SH3GL1: variants seen among roughly 807,000 people sequenced by gnomAD.
SH3GL1 encodes SH3 domain containing GRB2 like 1, endophilin A2.
In SH3GL1, 21 loss-of-function variants were observed where a neutral mutation model predicts 48.8. The ratio of observed to expected loss-of-function variants is 0.43; its 90% CI spans 0.30 to 0.62. The LOEUF (loss-of-function observed/expected upper bound fraction) is 0.62, where lower values mean the gene tolerates loss of function less well. Ranked by LOEUF, SH3GL1 falls within the 20% of genes least tolerant of loss-of-function variation. SH3GL1 has a pLI of 0.11. For synonymous variants in SH3GL1, 282 were observed against 217.5 expected, an observed-to-expected ratio of 1.30 and a Z score of -2.61; for missense variants, 454 against 503.0, an observed-to-expected ratio of 0.90 and a Z score of 0.93.
At chr19:4,397,846 CTTTTT>C (rs922562098) in intron 1 of SH3GL1, among the ~76,000 whole-genome samples, 4 of 152,146 alleles carry the variant, frequency 2.6e-5, no homozygotes, top group African/African-American at 4.8e-5. Context: ...AGGGTTGTTA[CTTTTT>C]TTATTTATTT....
In SH3GL1 at chr19:4,361,624, C is replaced by T. The variant is rs531631140; in HGVS notation, c.1083G>A (p.Glu361=). The T allele has an allele frequency of 2.2e-5, 35 of 1,604,480 alleles. No homozygotes were observed. The highest frequency in any genetic ancestry group is 1.3e-4 in the South Asian group (12 of 91,008). Residue 361 remains glutamate, a synonymous_variant, in exon 10 of 10, where the codon GAG becomes GAA. Coordinates refer to ENST00000269886, the MANE Select transcript of SH3GL1 (RefSeq NM_003025.4). ...QSGFFPLSYV[E]VLVPLPQ ...GTCACTGCGGCAGGGGCACAAGCAC[C>T]TCCACGTAGCTGAGCGGGAAGAAGC...
In SH3GL1 at chr19:4,360,470, T is replaced by C. The variant is rs925108152; in HGVS notation, c.*1130A>G. 1 of 234,124 alleles carries C rather than the reference T, an allele frequency of 4.3e-6. No individual in the cohort carries two copies. 14.5% of individuals were successfully genotyped at this position (234,124 alleles called of 1,614,324 possible). ...AGCTGTGTGCTCATCTCTGCGCCCC[T>C]CATGTACTTCTGACGAGGGGGGTGC... On this transcript the variant is annotated 3_prime_UTR_variant, in exon 10 of 10. Transcript: ENST00000269886.
chr19:4,368,975 G>A (rs1413726649), intron 1 of SH3GL1, among the ~76,000 whole-genome samples: 1 of 152,152 alleles, frequency 6.6e-6, no homozygotes, highest in Non-Finnish European at 1.5e-5. Context: ...GGGAGGCTGA[G>A]GTAGGAGAAT....
Position 4,366,962 on chromosome 19 carries a change from C to T in SH3GL1, c.78G>A (p.Gly26=), listed in dbSNP as rs776056982. ...CTTTGAAGTCATCATCCAGCTTGGTCCCCTCGGCCCCTCCGACCTTCTCAC... is the reference window on the plus strand; with the variant it reads ...CTTTGAAGTCATCATCCAGCTTGGTTCCCTCGGCCCCTCCGACCTTCTCAC... ...LVSEKVGGAE[G]TKLDDDFKEM... Residue 26 remains glycine, a synonymous_variant, in exon 2 of 10, where the codon GGG becomes GGA. Transcript: ENST00000269886. 4.3e-6 allele frequency: 7 copies of T among 1,613,874 alleles called. No homozygotes were observed. Among genetic ancestry groups the T allele is most frequent in the African/African-American group, 1.3e-5 (1 of 74,942 alleles).
intron 1 of SH3GL1, among the ~76,000 whole-genome samples, chr19:4,371,397 G>A (rs951181942): frequency 6.6e-6 from 1 of 152,240 alleles, no homozygotes; most frequent in Non-Finnish European, 1.5e-5. Context: ...GGAAAATTCC[G>A]AATCCTGCCG....
intron 2 of SH3GL1, among the ~76,000 whole-genome samples, 167 bp downstream of exon 2, chr19:4,366,759 C>T (rs1599594943): frequency 2.6e-5 from 4 of 152,026 alleles, no homozygotes; most frequent in African/African-American, 2.4e-5. Context: ...AGCTGGTGCC[C>T]GTCAAGTCCA....
At chr19:4,364,452 A>C (rs1599591535) in intron 4 of SH3GL1, 1 of 555,322 alleles carries the variant, frequency 1.8e-6, no homozygotes, top group East Asian at 3.1e-5. Flanking sequence ...AACTTCTTTG[A>C]GATGAAGTCT....
chr19:4,363,091 G>A (rs1486806113), intron 7 of SH3GL1, among the ~76,000 whole-genome samples: 1 of 152,156 alleles, frequency 6.6e-6, no homozygotes, highest in African/African-American at 2.4e-5. Flanking sequence ...CTGCATTCAG[G>A]GAGGGGAGCC....
rs1972694531 is a variant in SH3GL1, at chr19:4,363,800, C to T, written c.544G>A (p.Glu182Lys). 1 of 1,613,646 alleles carries T rather than the reference C, an allele frequency of 6.2e-7. No homozygotes were observed. The highest frequency in any genetic ancestry group is 1.3e-5 in the African/African-American group (1 of 74,936). The change falls in exon 6 of 10, where the codon GAG (glutamate) becomes AAG (lysine). Residue 182 changes from glutamate to lysine, a missense_variant. Glu to Lys is a moderately conservative substitution (Grantham distance 56). Around this residue, in one of 2 missense-constraint regions of SH3GL1, gnomAD observed 176 missense variants for 256.2 expected, o/e 0.69. Transcript: ENST00000269886. The part of the protein sequence containing the change: ...KKRQGKIPDE[E>K]LRQALEKFEE... ...AACTTCTCCAGCGCCTGGCGTAGCT[C>T]CTCATCGGGGATCTTGCCCTGCCGC...
chr19:4,399,449 G>T (rs1197218174), intron 1 of SH3GL1, among the ~76,000 whole-genome samples: 2 of 151,932 alleles, frequency 1.3e-5, no homozygotes, highest in Non-Finnish European at 2.9e-5. Context: ...AGGAGGGAGG[G>T]AGGAAGGAAG....
At chr19:4,373,895 G>A (rs952801399) in intron 1 of SH3GL1, among the ~76,000 whole-genome samples, 13 of 152,224 alleles carry the variant, frequency 8.5e-5, no homozygotes, top group South Asian at 6.2e-4. Flanking sequence ...GGTGCGGCCC[G>A]GCCACCGCAG....
rs1457406779 is a variant in SH3GL1 at position 4,364,865 on chromosome 19, A to AG, written c.331+616_331+617insC. On this transcript the variant is annotated intron_variant, in intron 4 of 9. Coordinates refer to ENST00000269886, the MANE Select transcript of SH3GL1 (RefSeq NM_003025.4). ...AGGCATGCACTACCACACCCGGCTA[A>AG]TTGTGTGTGTGTGTGTGTGTGTGTG... 1.3e-3 allele frequency among the ~76,000 whole-genome samples: 56 copies of AG among 42,082 alleles called. 1 individual carries two copies. The highest frequency in any genetic ancestry group is 5.4e-3 in the African/African-American group (48 of 8,866). 27.6% of individuals were successfully genotyped at this position (42,082 alleles called of 152,430 possible).
In SH3GL1 at chr19:4,376,805, TCTTG is replaced by T. The variant is rs1446849338; in HGVS notation, c.46-9815_46-9812del. ...CTATCCTCACGGGGCCTCGCATTCC[TCTTG>T]CTTGCTTGTTTTCGGGTCCCCTGCT... On this transcript the variant is annotated intron_variant, in intron 1 of 9. Coordinates refer to ENST00000269886, the MANE Select transcript of SH3GL1 (RefSeq NM_003025.4). The surrounding 1 kb of genome is among the most constrained non-coding windows in gnomAD (Gnocchi z 4.3). Among the ~76,000 whole-genome samples, 6 of 152,126 alleles carry T rather than the reference TCTTG, an allele frequency of 3.9e-5. No individual in the cohort carries two copies. Among genetic ancestry groups the T allele is most frequent in the Non-Finnish European group, 7.4e-5 (5 of 68,016 alleles).
At chr19:4,368,153 A>G (rs1325271515) in intron 1 of SH3GL1, among the ~76,000 whole-genome samples, 2 of 152,180 alleles carry the variant, frequency 1.3e-5, no homozygotes, top group Non-Finnish European at 2.9e-5. Flanking sequence ...GCCGTGGGCC[A>G]TGGCCTGTGC....
chr19:4,361,642 G>T lies in SH3GL1; in HGVS notation c.1065C>A (p.Phe355Leu), dbSNP rs80251498. ...EGMLDGQSGF[F>L]PLSYVEVLVP... ...CAAGCACCTCCACGTAGCTGAGCGGGAAGAAGCCCGACTGGCCGTCCAGCA... is the reference window on the plus strand; with the variant it reads ...CAAGCACCTCCACGTAGCTGAGCGGTAAGAAGCCCGACTGGCCGTCCAGCA... The change falls in exon 10 of 10, where the codon TTC becomes TTA. Residue 355 changes from phenylalanine to leucine, a missense_variant. By Grantham distance (22) the Phe-to-Leu change is conservative. Transcript: ENST00000269886. 3 of 1,609,520 alleles carry T rather than the reference G, an allele frequency of 1.9e-6. No homozygotes were observed. Among genetic ancestry groups the T allele is most frequent in the Non-Finnish European group, 8.5e-7 (1 of 1,179,564 alleles).
chr19:4,386,313 G>T (rs1973233796), intron 1 of SH3GL1, among the ~76,000 whole-genome samples: 1 of 152,122 alleles, frequency 6.6e-6, no homozygotes. Context: ...CCTTCCGCAG[G>T]GGGCTTCCTG....
At chr19:4,371,701 C>G (rs966452386) in intron 1 of SH3GL1, among the ~76,000 whole-genome samples, 1 of 152,210 alleles carries the variant, frequency 6.6e-6, no homozygotes, top group Non-Finnish European at 1.5e-5. Context: ...TGCTGTGGTG[C>G]TTGGTAATTT....
At chr19:4,391,752 T>G (rs1200132641) in intron 1 of SH3GL1, among the ~76,000 whole-genome samples, 6 of 152,188 alleles carry the variant, frequency 3.9e-5, no homozygotes, top group Admixed American at 3.3e-4. Context: ...CAAACTTCTG[T>G]GTCTGCACAG....
intron 1 of SH3GL1, chr19:4,380,266 A>G (rs1973094104): frequency 6.6e-6 from 1 of 152,334 alleles, no homozygotes; most frequent in Non-Finnish European, 1.5e-5. Flanking sequence ...AGGCTGAATG[A>G]GTATTTACCT....
Sources: allele counts gnomAD v4.1 joint callset (sites outside exome capture counted in the v4.1 genomes callset), GRCh38; gene constraint gnomAD v4.1.1; regional missense constraint gnomAD v4.1.1; non-coding constraint Gnocchi (gnomAD v3.1); transcripts MANE v1.5; gene names NCBI Gene and HGNC (gene_info 2026-07-23, HGNC 2026-07-21).